Variants in SAMD3 observed in about 807,000 individuals in gnomAD.
SAMD3 encodes the protein sterile alpha motif domain containing 3.
Under a neutral mutation model 58.5 loss-of-function variants are expected in SAMD3, and 63 were observed. That is an observed-to-expected ratio of 1.08 (90% CI 0.88 to 1.33). The LOEUF (loss-of-function observed/expected upper bound fraction) is 1.33, where lower values mean the gene tolerates loss of function less well. SAMD3 is among the 40% of genes most tolerant of loss of function. The pLI is 0.00. For synonymous variants in SAMD3, 220 were observed against 210.3 expected (o/e 1.05, Z -0.40); for missense variants, 604 against 608.4 (o/e 0.99, Z 0.08).
intron 7 of SAMD3, among the ~76,000 whole-genome samples, chr6:130,179,431 G>C (rs889762265): frequency 1.3e-5 from 2 of 151,988 alleles, no homozygotes; most frequent in African/African-American, 4.8e-5. Flanking sequence ...ATAAAAAATG[G>C]CCCTGAAATT....
At chr6:130,178,377 GAA>G (rs1243024913) in intron 7 of SAMD3, among the ~76,000 whole-genome samples, 1 of 144,968 alleles carries the variant, frequency 6.9e-6, no homozygotes, top group African/African-American at 2.8e-5. Flanking sequence ...TGAGTGCGGG[GAA>G]GGGAAAAAAA....
chr6:130,215,867 G>C, intron 2 of SAMD3: 1 of 1,527,754 alleles, frequency 6.5e-7, no homozygotes, highest in Non-Finnish European at 8.8e-7. Flanking sequence ...TTAGCAAGAA[G>C]AGGAAGTAGG....
At chr6:130,320,580 T>C (rs1776551511) in intron 1 of SAMD3, among the ~76,000 whole-genome samples, 1 of 152,194 alleles carries the variant, frequency 6.6e-6, no homozygotes, top group Non-Finnish European at 1.5e-5. Context: ...CACATGAATG[T>C]TTATAGCAAC....
intron 2 of SAMD3, among the ~76,000 whole-genome samples, chr6:130,278,918 TG>T (rs1473758675): frequency 6.6e-6 from 1 of 152,086 alleles, no homozygotes; most frequent in South Asian, 2.1e-4. Context: ...GGAGACACGA[TG>T]TGGTTAGACT....
At chr6:130,183,304 T>C (rs781218158) in intron 7 of SAMD3, 1 of 420,684 alleles carries the variant, frequency 2.4e-6, no homozygotes, top group South Asian at 1.6e-5. Context: ...GCCACTATAC[T>C]CCAGCCTGAG....
intron 2 of SAMD3, among the ~76,000 whole-genome samples, chr6:130,282,736 A>T (rs1775023492): frequency 6.6e-6 from 1 of 152,244 alleles, no homozygotes; most frequent in South Asian, 2.1e-4. Flanking sequence ...GAGAATTCAA[A>T]TTCCAAACTT....
At chr6:130,257,439 A>T (rs1192794450) in intron 2 of SAMD3, among the ~76,000 whole-genome samples, 1 of 152,204 alleles carries the variant, frequency 6.6e-6, no homozygotes, top group Non-Finnish European at 1.5e-5. Flanking sequence ...AATTGGTTTC[A>T]TATAGTAGTT....
At chr6:130,168,874 C>T (rs930346321) in intron 8 of SAMD3, among the ~76,000 whole-genome samples, 1 of 152,170 alleles carries the variant, frequency 6.6e-6, no homozygotes, top group Non-Finnish European at 1.5e-5. Flanking sequence ...GCATTCTCAG[C>T]TCACTGAAGT....
intron 2 of SAMD3, among the ~76,000 whole-genome samples, chr6:130,288,724 G>T (rs11154565): frequency 0.28 from 42,139 of 151,856 alleles, 6,253 homozygotes; most frequent in East Asian, 0.44. Context: ...GGAAATCAAT[G>T]GTTTAAAGAT....
At chr6:130,326,616 G>T (rs1330895910) in intron 1 of SAMD3, among the ~76,000 whole-genome samples, 1 of 152,050 alleles carries the variant, frequency 6.6e-6, no homozygotes, top group African/African-American at 2.4e-5. Flanking sequence ...AATTTTAATG[G>T]TGCACAGAAG....
chr6:130,206,828 A>T (rs942956990), intron 5 of SAMD3, among the ~76,000 whole-genome samples: 83 of 152,256 alleles, frequency 5.5e-4, no homozygotes, highest in Non-Finnish European at 1.0e-3. Context: ...GTGAGATGCC[A>T]TTAAGTGTGG....
At chr6:130,232,886 C>T (rs572168577) in intron 2 of SAMD3, among the ~76,000 whole-genome samples, 2 of 152,160 alleles carry the variant, frequency 1.3e-5, no homozygotes, top group African/African-American at 4.8e-5. Context: ...TTTCAAGATG[C>T]TTTTTGAAGG....
intron 2 of SAMD3, among the ~76,000 whole-genome samples, chr6:130,292,357 G>A (rs1046256658): frequency 5.3e-4 from 78 of 146,694 alleles, no homozygotes; most frequent in African/African-American, 1.9e-3. Context: ...CGCAATCTCA[G>A]CTCACTGCAA....
chr6:130,328,208 G>A (rs141503056), intron 1 of SAMD3, among the ~76,000 whole-genome samples: 223 of 152,274 alleles, frequency 1.5e-3, no homozygotes, highest in African/African-American at 5.2e-3. Flanking sequence ...CCTATCGTGT[G>A]TTGGGACTCA....
At chr6:130,200,130 A>G (rs1794511706) in intron 5 of SAMD3, among the ~76,000 whole-genome samples, 1 of 152,000 alleles carries the variant, frequency 6.6e-6, no homozygotes, top group African/African-American at 2.4e-5. Flanking sequence ...AAATCTTCCC[A>G]TTCCCCAATT....
At chr6:130,169,835 C>T (rs1791080165) in intron 8 of SAMD3, among the ~76,000 whole-genome samples, 1 of 152,270 alleles carries the variant, frequency 6.6e-6, no homozygotes, top group Non-Finnish European at 1.5e-5. Flanking sequence ...CGGACTGACC[C>T]TTGAGTTCTA....
chr6:130,233,585 C>T (rs972518952), intron 2 of SAMD3, among the ~76,000 whole-genome samples: 3 of 152,132 alleles, frequency 2.0e-5, no homozygotes, highest in Non-Finnish European at 4.4e-5. Flanking sequence ...TATTCAACAG[C>T]GATTTCTTAG....
chr6:130,291,655 G>T (rs1775365855), intron 2 of SAMD3, among the ~76,000 whole-genome samples: 1 of 152,162 alleles, frequency 6.6e-6, no homozygotes, highest in African/African-American at 2.4e-5. Flanking sequence ...AAAGCAATTT[G>T]TTGATATGTA....
chr6:130,218,007 A>G (rs1300885217), intron 1 of SAMD3, among the ~76,000 whole-genome samples: 1 of 152,214 alleles, frequency 6.6e-6, no homozygotes, highest in Non-Finnish European at 1.5e-5. Context: ...TGGCTGTCAC[A>G]TGAAACAATG....
Sources: gnomAD v4.1 joint callset for allele counts (sites outside exome capture counted in the v4.1 genomes callset) on GRCh38, gnomAD v4.1.1 for gene constraint, MANE v1.5 for transcripts, NCBI Gene and HGNC (gene_info 2026-07-23, HGNC 2026-07-21) for gene names.